CBX7: variants seen among roughly 807,000 people sequenced by gnomAD.
CBX7 encodes the protein chromobox 7.
In CBX7, 14 loss-of-function variants were observed where a neutral mutation model predicts 31.4. That is an observed-to-expected ratio of 0.45 (90% confidence interval 0.29 to 0.70). The LOEUF is 0.70. Ranked by LOEUF, CBX7 falls within the 30% of genes least tolerant of loss-of-function variation. The probability of loss-of-function intolerance (pLI) is 0.11; values close to 1 mark genes in which losing one functional copy is unlikely to be tolerated. For missense variants in CBX7, 269 were observed against 351.9 expected (o/e 0.76, Z 1.89); for synonymous variants, 159 against 152.6 (o/e 1.04, Z -0.31).
At chr22:39,144,624 G>A (rs1930578276) in intron 2 of CBX7, among the ~76,000 whole-genome samples, 1 of 152,138 alleles carries the variant, frequency 6.6e-6, no homozygotes, top group Non-Finnish European at 1.5e-5. Flanking sequence ...TCCTCCCCCC[G>A]GAAAAGGCTG....
At position 39,134,649 on chromosome 22, in the gene CBX7, AC is replaced by A; in HGVS notation, c.349del (p.Val117TrpfsTer104). The A allele has an allele frequency of 5.0e-6, 8 of 1,587,156 alleles. No homozygotes were observed. The highest frequency in any genetic ancestry group is 5.1e-6 in the Non-Finnish European group (6 of 1,166,654). ...CAGCTCAGGTGCCCCCGCCTTGACC[AC>A]CCCCTCAGGGCTCCCGCTGCCGAGT... The part of the protein sequence containing the change: ...CPLGSGSPEG[V>X]VKAGAPELVD... On this transcript the variant is annotated frameshift_variant, in exon 5 of 6. Coordinates refer to ENST00000216133, the MANE Select transcript of CBX7 (RefSeq NM_175709.5). LOFTEE classifies it high-confidence loss of function.
chr22:39,134,209 C>T, intron 5 of CBX7, 161 bp from the exon 6 acceptor site: 1 of 861,920 alleles, frequency 1.2e-6, no homozygotes, highest in Non-Finnish European at 1.7e-6. Flanking sequence ...TGGGTGCATC[C>T]TCCCCACCTA....
At chr22:39,134,313 G>T (rs1460147897) in intron 5 of CBX7, 88 bp downstream of exon 5, 4 of 1,157,756 alleles carry the variant, frequency 3.5e-6, no homozygotes, top group Non-Finnish European at 4.8e-6. Context: ...AAGCACTACA[G>T]GCCCTCTTTG....
chr22:39,152,491 GGAGCTGCGGGGCCGCGGCTGCGGCGCGC>G lies in CBX7; in HGVS notation c.-75_-48del, dbSNP rs1478939445. 1 of 867,548 alleles carries G rather than the reference GGAGCTGCGGGGCCGCGGCTGCGGCGCGC, an allele frequency of 1.2e-6. No homozygotes were observed. The highest frequency in any genetic ancestry group is 1.8e-5 in the African/African-American group (1 of 54,632). 53.7% of individuals were successfully genotyped at this position (867,548 alleles called of 1,614,324 possible). A position where few individuals can be genotyped will look rare whatever the true frequency, so the allele number is the denominator to read the frequency against. On this transcript the variant is annotated 5_prime_UTR_variant, in exon 1 of 6. Coordinates refer to ENST00000216133, the MANE Select transcript of CBX7 (RefSeq NM_175709.5). This position sits in a 1 kb window ranked among gnomAD's most constrained non-coding sequence, Gnocchi z 4.9. ...CCCGGGGCCGGGCCGGGCCGGGGGC[GGAGCTGCGGGGCCGCGGCTGCGGCGCGC>G]GATGCTGGGGCTGGCGGGGTCCCCG...
chr22:39,146,374 ATCTTG>A (rs1930661827), intron 2 of CBX7, among the ~76,000 whole-genome samples: 2 of 152,152 alleles, frequency 1.3e-5, no homozygotes, highest in African/African-American at 4.8e-5. Context: ...GTGTTAATGA[ATCTTG>A]TCTTGTCTCA....
intron 3 of CBX7, among the ~76,000 whole-genome samples, chr22:39,140,903 C>A (rs1374425933): frequency 3.3e-5 from 5 of 152,198 alleles, no homozygotes; most frequent in Non-Finnish European, 7.3e-5. Flanking sequence ...GCCCAGCCTT[C>A]CTTGAGCTTC....
chr22:39,137,812 T>G (rs1364368180), intron 4 of CBX7, among the ~76,000 whole-genome samples: 1 of 152,146 alleles, frequency 6.6e-6, no homozygotes, highest in Non-Finnish European at 1.5e-5. Flanking sequence ...GACTGAAGGC[T>G]GGAACAGGAG....
At chr22:39,146,986 CAGA>C (rs1189582583) in intron 2 of CBX7, 1 of 151,802 alleles carries the variant, frequency 6.6e-6, no homozygotes, top group Non-Finnish European at 1.5e-5. Flanking sequence ...CTGTGCTTTC[CAGA>C]AGAAGCAAGA....
chr22:39,134,409 T>G lies in CBX7; in HGVS notation c.590A>C (p.Glu197Ala). ...GEWEPAAQPP[E>A]EEADADLAEG... ...GGCTGGGGCCGCCTTACCCTCCTCT[T>G]CAGGGGGCTGCGCAGCAGGCTCCCA... The change falls in exon 5 of 6, where the codon GAA (glutamate) becomes GCA (alanine). Residue 197 changes from glutamate to alanine, a missense_variant. This residue lies in a region of CBX7 where 222 missense variants were observed against 240.4 expected (regional missense o/e 0.92). Coordinates refer to ENST00000216133, the MANE Select transcript of CBX7 (RefSeq NM_175709.5). 1 of 1,599,074 alleles carries G rather than the reference T, an allele frequency of 6.3e-7. No homozygotes were observed. The highest frequency in any genetic ancestry group is 8.5e-7 in the Non-Finnish European group (1 of 1,179,054).
At chr22:39,139,632 G>A (rs893847015) in intron 3 of CBX7, among the ~76,000 whole-genome samples, 3 of 150,644 alleles carry the variant, frequency 2.0e-5, no homozygotes, top group East Asian at 1.9e-4. Context: ...GAACCTGGGA[G>A]GCGGAGCTTG....
intron 2 of CBX7, among the ~76,000 whole-genome samples, chr22:39,144,370 C>T (rs1930567503): frequency 6.6e-6 from 1 of 152,232 alleles, no homozygotes; most frequent in African/African-American, 2.4e-5. Context: ...CCTTCCCTGA[C>T]ATCCCTCCCA....
Position 39,152,342 on chromosome 22 carries a change from TG to T in CBX7, c.69+33del. On this transcript the variant is annotated intron_variant, in intron 1 of 5. Coordinates refer to ENST00000216133, the MANE Select transcript of CBX7 (RefSeq NM_175709.5). The surrounding 1 kb of genome is among the most constrained non-coding windows in gnomAD (Gnocchi z 4.9). The stretch of plus-strand genomic sequence containing the variant: ...GTGCTGGGGACGGGAGGGACCCCAC[TG>T]GGGTCCTGGGAGCCGCCCCCGGGCA... The T allele has an allele frequency of 2.2e-6, 3 of 1,345,522 alleles. No homozygotes were observed. The highest frequency in any genetic ancestry group is 1.5e-5 in the African/African-American group (1 of 65,862). The allele number at this position is 1,345,522 out of a possible 1,614,324, so 83.3% of individuals were successfully genotyped here.
At chr22:39,152,000 C>G (rs1367973854) in intron 1 of CBX7, among the ~76,000 whole-genome samples, 1 of 152,162 alleles carries the variant, frequency 6.6e-6, no homozygotes, top group African/African-American at 2.4e-5. Flanking sequence ...GCCAAGCGTC[C>G]AGAGTCCCGA....
intron 2 of CBX7, chr22:39,148,257 G>A (rs1409349636): frequency 6.6e-6 from 1 of 152,266 alleles, no homozygotes; most frequent in African/African-American, 2.4e-5. Context: ...TGGGAGCCTC[G>A]TTCCTTCCCT....
chr22:39,142,168 T>C (rs921100741), intron 2 of CBX7, among the ~76,000 whole-genome samples: 5 of 152,184 alleles, frequency 3.3e-5, no homozygotes, highest in Admixed American at 2.6e-4. Context: ...TGTGCCTCAA[T>C]GTCCCCCTCT....
chr22:39,146,794 C>A (rs974020968), intron 2 of CBX7, among the ~76,000 whole-genome samples: 1 of 152,194 alleles, frequency 6.6e-6, no homozygotes, highest in Non-Finnish European at 1.5e-5. Context: ...TAGGGCCACT[C>A]CTTCCAAAAC....
At chr22:39,151,270 C>A (rs1930841884) in intron 1 of CBX7, among the ~76,000 whole-genome samples, 1 of 152,188 alleles carries the variant, frequency 6.6e-6, no homozygotes, top group South Asian at 2.1e-4. Flanking sequence ...CTGCCTCAAT[C>A]AGAAGAGTAA....
Position 39,152,430 on chromosome 22 carries a change from G to A in CBX7, c.15C>T (p.Ala5=). 1 of 1,309,462 alleles carries A rather than the reference G, an allele frequency of 7.6e-7. No individual in the cohort carries two copies. Among genetic ancestry groups the A allele is most frequent in the Non-Finnish European group, 9.8e-7 (1 of 1,018,626 alleles). The allele number at this position is 1,309,462 out of a possible 1,614,324, so 81.1% of individuals were successfully genotyped here. The change falls in exon 1 of 6, where the codon GCC becomes GCT. Residue 5 remains alanine (A), a synonymous_variant. Transcript: ENST00000216133. This position sits in a 1 kb window ranked among gnomAD's most constrained non-coding sequence, Gnocchi z 4.9. ...CCACGGCGAACACCTGCTCGCCGAT[G>A]GCTGACAGCTCCATGCGGGGCGGCG... The part of the protein sequence containing the change: MELS[A]IGEQVFAVES...
intron 2 of CBX7, chr22:39,148,409 T>C (rs1930735579): frequency 6.6e-6 from 1 of 152,160 alleles, no homozygotes; most frequent in African/African-American, 2.4e-5. Flanking sequence ...AAATAGCCAA[T>C]AGTGTCCTGA....
Sources: allele counts gnomAD v4.1 joint callset (sites outside exome capture counted in the v4.1 genomes callset), GRCh38; gene constraint gnomAD v4.1.1; regional missense constraint gnomAD v4.1.1; non-coding constraint Gnocchi (gnomAD v3.1); transcripts MANE v1.5; gene names NCBI Gene and HGNC (gene_info 2026-07-23, HGNC 2026-07-21).